Variants in OCA2 observed in about 807,000 individuals in gnomAD.
OCA2 encodes P protein.
Under a neutral mutation model 100.2 loss-of-function variants are expected in OCA2, and 77 were observed. That is an observed-to-expected ratio of 0.77 (90% CI 0.64 to 0.93). The LOEUF (loss-of-function observed/expected upper bound fraction) is 0.93, where lower values mean the gene tolerates loss of function less well. OCA2 is among the 40% of genes least tolerant of loss of function. OCA2 has a pLI of 0.00. For synonymous variants in OCA2, 432 were observed against 439.2 expected (o/e 0.98, Z 0.21); for missense variants, 1,062 against 1,089.1 (o/e 0.98, Z 0.35).
chr15:27,992,965 AT>A (rs1162800020), intron 9 of OCA2, among the ~76,000 whole-genome samples: 1 of 152,168 alleles, frequency 6.6e-6, no homozygotes, highest in Non-Finnish European at 1.5e-5. Context: ...TCTACTAAAA[AT>A]AAAAAAAATT....
At chr15:27,933,543 C>A (rs533708351) in intron 18 of OCA2, among the ~76,000 whole-genome samples, 8 of 152,102 alleles carry the variant, frequency 5.3e-5, no homozygotes, top group African/African-American at 1.9e-4. Flanking sequence ...TGGGTGCAGG[C>A]GAGCTGAGTT....
intron 21 of OCA2, among the ~76,000 whole-genome samples, chr15:27,852,741 C>A (rs1207425819): frequency 1.3e-5 from 2 of 148,942 alleles, no homozygotes; most frequent in Non-Finnish European, 3.0e-5. Flanking sequence ...AAACAAACAA[C>A]CCCATCAAAA....
At chr15:27,992,763 T>C (rs7178315) in intron 9 of OCA2, among the ~76,000 whole-genome samples, 91,680 of 152,068 alleles carry the variant, frequency 0.6, 31,839 homozygotes, top group Non-Finnish European at 0.79. Context: ...CTCTATGACA[T>C]GTTCCTTTCT....
At chr15:27,951,191 T>C (rs1286390253) in intron 18 of OCA2, among the ~76,000 whole-genome samples, 1 of 152,098 alleles carries the variant, frequency 6.6e-6, no homozygotes, top group African/African-American at 2.4e-5. Flanking sequence ...CAGGTGGGGA[T>C]AGGTCCTGGC....
chr15:28,055,043 A>T (rs2043647122), intron 2 of OCA2, among the ~76,000 whole-genome samples: 1 of 152,150 alleles, frequency 6.6e-6, no homozygotes, highest in African/African-American at 2.4e-5. Flanking sequence ...ACATGTGGGG[A>T]TTATTACAAT....
At chr15:27,943,602 C>T (rs1263881783) in intron 18 of OCA2, among the ~76,000 whole-genome samples, 1 of 149,904 alleles carries the variant, frequency 6.7e-6, no homozygotes, top group Admixed American at 6.7e-5. Flanking sequence ...ACCTTGGTCT[C>T]GGCACACGTA....
intron 19 of OCA2, among the ~76,000 whole-genome samples, chr15:27,900,459 T>G (rs1247006675): frequency 6.6e-6 from 1 of 152,188 alleles, no homozygotes; most frequent in Admixed American, 6.5e-5. Flanking sequence ...TCTCTCAGGG[T>G]GTACTGCCTA....
intron 2 of OCA2, among the ~76,000 whole-genome samples, chr15:28,071,478 AAG>A (rs2044259365): frequency 6.6e-6 from 1 of 152,232 alleles, no homozygotes; most frequent in Non-Finnish European, 1.5e-5. Context: ...TTAAAGCAAA[AAG>A]AACACAGCTG....
intron 19 of OCA2, among the ~76,000 whole-genome samples, chr15:27,872,956 C>T (rs989286462): frequency 2.0e-5 from 3 of 152,190 alleles, no homozygotes; most frequent in African/African-American, 7.2e-5. Flanking sequence ...TCCCAAAGTG[C>T]TGGGATTACA....
At chr15:27,856,564 T>G (rs2035955201) in intron 21 of OCA2, among the ~76,000 whole-genome samples, 3 of 152,126 alleles carry the variant, frequency 2.0e-5, no homozygotes, top group Admixed American at 2.0e-4. Context: ...GTATGTTGAT[T>G]GCTGGCCACT....
At chr15:27,935,399 C>T (rs568336226) in intron 18 of OCA2, among the ~76,000 whole-genome samples, 27 of 152,200 alleles carry the variant, frequency 1.8e-4, no homozygotes, top group Middle Eastern at 6.8e-3. Flanking sequence ...GTTTCTATGC[C>T]GAACAAATAG....
At chr15:27,997,544 T>C (rs1242917427) in intron 9 of OCA2, among the ~76,000 whole-genome samples, 1 of 152,028 alleles carries the variant, frequency 6.6e-6, no homozygotes, top group African/African-American at 2.4e-5. Flanking sequence ...TATATCTCTG[T>C]TTTGGTACCA....
At chr15:27,780,290 T>TA (rs2032470757) in intron 23 of OCA2, among the ~76,000 whole-genome samples, 1 of 152,224 alleles carries the variant, frequency 6.6e-6, no homozygotes, top group Non-Finnish European at 1.5e-5. Context: ...GAAAGTGGTA[T>TA]GCCCGAGACT....
At chr15:28,091,211 C>T (rs560614738) in intron 1 of OCA2, among the ~76,000 whole-genome samples, 6 of 152,272 alleles carry the variant, frequency 3.9e-5, no homozygotes, top group African/African-American at 1.2e-4. Context: ...CAGAAGAAAT[C>T]TCTAGGGTCA....
intron 2 of OCA2, among the ~76,000 whole-genome samples, chr15:28,040,156 A>C (rs2043161503): frequency 6.6e-6 from 1 of 152,220 alleles, no homozygotes; most frequent in Non-Finnish European, 1.5e-5. Flanking sequence ...CATGCCAAGG[A>C]GACAGGACTC....
At chr15:27,832,798 T>C (rs2035010463) in intron 23 of OCA2, among the ~76,000 whole-genome samples, 1 of 151,880 alleles carries the variant, frequency 6.6e-6, no homozygotes, top group Admixed American at 6.6e-5. Context: ...ATACACTGAC[T>C]ATTCATGAAA....
At chr15:27,952,229 C>A (rs145533409) in intron 17 of OCA2, among the ~76,000 whole-genome samples, 1 of 152,178 alleles carries the variant, frequency 6.6e-6, no homozygotes, top group Non-Finnish European at 1.5e-5. Flanking sequence ...GCCAAGCATG[C>A]GGGTGGGGCC....
chr15:27,885,572 C>T (rs75812234), intron 19 of OCA2, among the ~76,000 whole-genome samples: 1 of 152,214 alleles, frequency 6.6e-6, no homozygotes, highest in African/African-American at 2.4e-5. Flanking sequence ...CACAAGAAGC[C>T]TTCTTAGGTG....
At chr15:28,014,747 C>G (rs760245305) in intron 9 of OCA2, 29 bp downstream of exon 9, 2 of 1,607,554 alleles carry the variant, frequency 1.2e-6, no homozygotes, top group South Asian at 1.1e-5. Flanking sequence ...TGGGCCCAGA[C>G]AGATCGGGGG....
Sources: gnomAD v4.1 joint callset for allele counts (sites outside exome capture counted in the v4.1 genomes callset) on GRCh38, gnomAD v4.1.1 for gene constraint, MANE v1.5 for transcripts, NCBI Gene and HGNC (gene_info 2026-07-23, HGNC 2026-07-21) for gene names.